Variants in CLEC4C observed in about 807,000 individuals in gnomAD.
The protein encoded by CLEC4C is C-type (calcium dependent, carbohydrate-recognition domain) lectin, superfamily member 11.
Under a neutral mutation model 27.7 loss-of-function variants are expected in CLEC4C, and 17 were observed. The ratio of observed to expected loss-of-function variants is 0.61; its 90% CI spans 0.42 to 0.92. The LOEUF is 0.92. Among genes scored for constraint, CLEC4C ranks in the 40% least tolerant of loss-of-function variants. The pLI is 0.00. For synonymous variants in CLEC4C, 80 were observed against 80.8 expected (o/e 0.99, Z 0.06); for missense variants, 244 against 257.3 (o/e 0.95, Z 0.35).
chr12:7,737,675 T>C lies in CLEC4C; in HGVS notation c.236-101A>G, dbSNP rs894477117. ...CTAAGGTTTAATTAGTTTTCACCTA[T>C]GGATCTCCACGGATTTTCCAAAGCT... On this transcript the variant is annotated intron_variant, in intron 3 of 5. Coordinates refer to ENST00000360345, the MANE Select transcript of CLEC4C (RefSeq NM_001371390.1). 62 of 1,144,216 alleles carry C rather than the reference T, an allele frequency of 5.4e-5. No homozygotes were observed. The African/African-American group carries it at 5.9e-4, about 11-fold the overall frequency. The allele number at this position is 1,144,216 out of a possible 1,614,324, so 70.9% of individuals were successfully genotyped here. A position where few individuals can be genotyped will look rare whatever the true frequency, so the allele number is the denominator to read the frequency against.
At chr12:7,740,965 C>G (rs998739430) in intron 3 of CLEC4C, among the ~76,000 whole-genome samples, 4 of 151,572 alleles carry the variant, frequency 2.6e-5, no homozygotes, top group African/African-American at 9.7e-5. Flanking sequence ...CTCAGCCTCC[C>G]GAGTAGCTGG....
chr12:7,742,295 C>G (rs1864873862), intron 2 of CLEC4C, among the ~76,000 whole-genome samples: 1 of 151,746 alleles, frequency 6.6e-6, no homozygotes, highest in Non-Finnish European at 1.5e-5. Flanking sequence ...GGTGGATCAC[C>G]TGAGGTCAGG....
chr12:7,740,712 A>G (rs1238727825), intron 3 of CLEC4C, among the ~76,000 whole-genome samples: 1 of 150,678 alleles, frequency 6.6e-6, no homozygotes, highest in East Asian at 2.0e-4. Context: ...AAAAAGAAAA[A>G]AAAGAAAAGA....
At chr12:7,732,186 T>C (rs1315730699) in intron 4 of CLEC4C, among the ~76,000 whole-genome samples, 1 of 151,912 alleles carries the variant, frequency 6.6e-6, no homozygotes, top group Non-Finnish European at 1.5e-5. Context: ...TGCAACATCA[T>C]GCCTGGTTAA....
intron 5 of CLEC4C, 103 bp from the exon 6 acceptor site, chr12:7,729,843 G>C: frequency 9.5e-7 from 1 of 1,048,186 alleles, no homozygotes; most frequent in Non-Finnish European, 1.4e-6. Flanking sequence ...TCAAGGTCAC[G>C]TCTACCCAAA....
chr12:7,732,896 G>A (rs960002419), intron 4 of CLEC4C, among the ~76,000 whole-genome samples: 4 of 151,888 alleles, frequency 2.6e-5, no homozygotes, highest in South Asian at 4.1e-4. Flanking sequence ...TGCAGTGAGC[G>A]GAGATCGCGC....
chr12:7,732,342 ATTTTTTTAT>A (rs1185699543), intron 4 of CLEC4C, among the ~76,000 whole-genome samples: 1 of 144,040 alleles, frequency 6.9e-6, no homozygotes, highest in Non-Finnish European at 1.5e-5. Context: ...AGGTCACTTT[ATTTTTTTAT>A]TTTTTTTATT....
intron 5 of CLEC4C, among the ~76,000 whole-genome samples, 199 bp downstream of exon 5, chr12:7,730,598 C>T (rs1378139818): frequency 6.6e-6 from 1 of 150,440 alleles, no homozygotes; most frequent in African/African-American, 2.5e-5. Context: ...CAAGATCATA[C>T]CACTGCACTC....
At chr12:7,746,545 A>G (rs1378649276) in intron 1 of CLEC4C, 122 bp from the exon 2 acceptor site, 1 of 615,558 alleles carries the variant, frequency 1.6e-6, no homozygotes, top group African/African-American at 1.9e-5. Context: ...TTAAAACAGA[A>G]AAAATGTGAA....
upstream of CLEC4C, chr12:7,747,608 G>T: frequency 2.4e-5 from 6 of 251,142 alleles, no homozygotes; most frequent in South Asian, 8.9e-5. Flanking sequence ...ATGAAAAACA[G>T]TTCATGGTTG....
intron 2 of CLEC4C, among the ~76,000 whole-genome samples, chr12:7,745,347 G>A (rs1864947898): frequency 1.4e-5 from 2 of 148,028 alleles, no homozygotes; most frequent in Non-Finnish European, 3.0e-5. Flanking sequence ...CAACCATCCT[G>A]ACATCCTCAT....
chr12:7,741,592 C>G (rs73056607), intron 2 of CLEC4C, 61 bp from the exon 3 acceptor site: 236,568 of 941,492 alleles, frequency 0.25, 32,260 homozygotes, highest in Admixed American at 0.34. Context: ...TTGTACTATA[C>G]AATCTTATGC....
intron 4 of CLEC4C, among the ~76,000 whole-genome samples, chr12:7,736,443 T>TTA (rs956522019): frequency 1.3e-5 from 2 of 152,202 alleles, no homozygotes; most frequent in Non-Finnish European, 2.9e-5. Context: ...GGACTAATGT[T>TTA]TAATTGGTTG....
In CLEC4C at chr12:7,737,426, T is replaced by C. The variant is rs1174207844; in HGVS notation, c.381+3A>G. On this transcript the variant is annotated splice_donor_region_variant and intron_variant, in intron 4 of 5. Transcript: ENST00000360345. Reference sequence around the variant, plus strand: ...GCTGACCACCTTGCCTGTTAGAACATACCTGTTCTTCCCTGGTGTTGATCA... The same window carrying C: ...GCTGACCACCTTGCCTGTTAGAACACACCTGTTCTTCCCTGGTGTTGATCA... 2 of 1,587,584 alleles carry C rather than the reference T, an allele frequency of 1.3e-6. No individual in the cohort carries two copies. Among genetic ancestry groups the C allele is most frequent in the Admixed American group, 1.7e-5 (1 of 58,844 alleles).
chr12:7,729,406 GAATGAATA>G lies in CLEC4C; in HGVS notation c.*182_*189del, dbSNP rs3834934. ...AATGTTCACTAAACACTCATTTTAT[GAATGAATA>G]AATGAATAAATGAATAAATGAATGT... On this transcript the variant is annotated 3_prime_UTR_variant, in exon 6 of 6. Coordinates refer to ENST00000360345, the MANE Select transcript of CLEC4C (RefSeq NM_001371390.1). 0.46 allele frequency: 244,668 copies of G among 535,052 alleles called. 57,588 individuals are homozygous for G. The highest frequency in any genetic ancestry group is 0.49 in the Admixed American group (13,700 of 28,236). 33.1% of individuals were successfully genotyped at this position (535,052 alleles called of 1,614,324 possible).
Position 7,735,091 on chromosome 12 carries a change from G to A in CLEC4C, c.381+2338C>T, listed in dbSNP as rs1008048363. 2.6e-5 allele frequency among the ~76,000 whole-genome samples: 4 copies of A among 151,114 alleles called. No homozygotes were observed. The East Asian group carries it at 7.9e-4, about 30-fold the overall frequency. ...TGGCATGCACCTGTAATCCCAGCTG[G>A]TCAGGAGGCTGAGTCAGAAGAATCA... On this transcript the variant is annotated intron_variant, in intron 4 of 5. Coordinates refer to ENST00000360345, the MANE Select transcript of CLEC4C (RefSeq NM_001371390.1).
chr12:7,729,865 C>T, intron 5 of CLEC4C, 125 bp from the exon 6 acceptor site: 1 of 773,708 alleles, frequency 1.3e-6, no homozygotes, highest in Non-Finnish European at 2.1e-6. Flanking sequence ...CACCTTCTCA[C>T]TTCTGCTGCC....
intron 1 of CLEC4C, 26 bp downstream of exon 1, chr12:7,747,292 C>T (rs1354854130): frequency 1.2e-6 from 2 of 1,612,618 alleles, no homozygotes; most frequent in Non-Finnish European, 1.7e-6. Flanking sequence ...ACTACCTTCC[C>T]TAGAACTGAG....
At chr12:7,736,597 T>C (rs760040758) in intron 4 of CLEC4C, among the ~76,000 whole-genome samples, 1 of 152,236 alleles carries the variant, frequency 6.6e-6, no homozygotes, top group African/African-American at 2.4e-5. Flanking sequence ...TGAAGTTTGC[T>C]CCGGAATTTG....
Sources: allele counts gnomAD v4.1 joint callset (sites outside exome capture counted in the v4.1 genomes callset), GRCh38; gene constraint gnomAD v4.1.1; transcripts MANE v1.5; gene names NCBI Gene and HGNC (gene_info 2026-07-23, HGNC 2026-07-21).